Variants in ABTB3 observed in about 807,000 individuals in gnomAD.
ABTB3 encodes ankyrin repeat and BTB domain containing 3.
the ABTB3 span, among the ~76,000 whole-genome samples, chr12:107,342,724 C>G: frequency 2.5e-3 from 386 of 152,292 alleles, 1 homozygote; most frequent in African/African-American, 3.6e-3. Flanking sequence ...ATTCCTAATT[C>G]CAAGCTTCTG....
the ABTB3 span, among the ~76,000 whole-genome samples, chr12:107,474,563 C>T: frequency 6.6e-6 from 1 of 151,826 alleles, no homozygotes; most frequent in Non-Finnish European, 1.5e-5. Flanking sequence ...TGGGGCTGGA[C>T]CATGGATGCT....
At chr12:107,470,941 C>T in the ABTB3 span, among the ~76,000 whole-genome samples, 8 of 152,134 alleles carry the variant, frequency 5.3e-5, no homozygotes, top group Admixed American at 2.6e-4. Context: ...GAGATGTGGA[C>T]GTCTTATTCC....
the ABTB3 span, among the ~76,000 whole-genome samples, chr12:107,652,456 G>T: frequency 9.8e-5 from 15 of 152,296 alleles, no homozygotes; most frequent in African/African-American, 3.6e-4. Flanking sequence ...CTGGAAAAAG[G>T]CATCTTTCAA....
At chr12:107,333,182 G>A in the ABTB3 span, among the ~76,000 whole-genome samples, 2 of 152,166 alleles carry the variant, frequency 1.3e-5, no homozygotes, top group African/African-American at 4.8e-5. Context: ...AGGGGTTGGG[G>A]CAGCATATGA....
At chr12:107,611,988 A>C in the ABTB3 span, among the ~76,000 whole-genome samples, 1 of 147,550 alleles carries the variant, frequency 6.8e-6, no homozygotes, top group Admixed American at 6.6e-5. Flanking sequence ...GATTTCTTCC[A>C]TTCCTTTTAT....
the ABTB3 span, among the ~76,000 whole-genome samples, chr12:107,591,313 T>G: frequency 5.3e-5 from 8 of 152,170 alleles, no homozygotes; most frequent in Non-Finnish European, 1.5e-5. Flanking sequence ...GGGTAATTTA[T>G]GAAGAAAAGA....
At chr12:107,404,939 G>T in the ABTB3 span, among the ~76,000 whole-genome samples, 47 of 152,310 alleles carry the variant, frequency 3.1e-4, no homozygotes, top group African/African-American at 1.1e-3. Flanking sequence ...TGTCCATTTT[G>T]CAGATGAACA....
the ABTB3 span, among the ~76,000 whole-genome samples, chr12:107,592,573 C>A: frequency 3.7e-3 from 561 of 152,230 alleles, no homozygotes; most frequent in African/African-American, 0.013. Flanking sequence ...TGAACTAGAT[C>A]GACCTGTTAT....
the ABTB3 span, among the ~76,000 whole-genome samples, chr12:107,335,926 A>G: frequency 6.6e-6 from 1 of 152,152 alleles, no homozygotes; most frequent in Non-Finnish European, 1.5e-5. Context: ...TCAGGGTCCA[A>G]CAACTGGATG....
At chr12:107,610,153 G>T in the ABTB3 span, 1 of 1,613,096 alleles carries the variant, frequency 6.2e-7, no homozygotes, top group South Asian at 1.1e-5. Context: ...CCTCTGGGAA[G>T]CCGCTGTACC....
the ABTB3 span, among the ~76,000 whole-genome samples, chr12:107,370,535 T>TC: frequency 6.6e-6 from 1 of 152,242 alleles, no homozygotes; most frequent in East Asian, 1.9e-4. Flanking sequence ...TGGCTCCCCT[T>TC]CCTCTCTCAG....
At chr12:107,618,264 C>G in the ABTB3 span, 1 of 1,613,618 alleles carries the variant, frequency 6.2e-7, no homozygotes, top group Non-Finnish European at 8.5e-7. Flanking sequence ...GACAGCCCCG[C>G]CCCCCTTGTG....
At chr12:107,509,796 G>C in the ABTB3 span, among the ~76,000 whole-genome samples, 17 of 152,230 alleles carry the variant, frequency 1.1e-4, no homozygotes, top group African/African-American at 3.9e-4. Flanking sequence ...TTCCAGGCTA[G>C]TGTACAAACA....
At chr12:107,442,918 G>T in the ABTB3 span, among the ~76,000 whole-genome samples, 6 of 152,138 alleles carry the variant, frequency 3.9e-5, no homozygotes, top group Non-Finnish European at 5.9e-5. Flanking sequence ...CAGGATCAAG[G>T]CACCAGCAGA....
chr12:107,639,282 C>T, the ABTB3 span, among the ~76,000 whole-genome samples: 1 of 152,154 alleles, frequency 6.6e-6, no homozygotes, highest in Non-Finnish European at 1.5e-5. Flanking sequence ...CAAGTGGCCT[C>T]ATTAAGACGT....
the ABTB3 span, among the ~76,000 whole-genome samples, chr12:107,447,460 C>T: frequency 6.6e-6 from 1 of 152,126 alleles, no homozygotes; most frequent in Non-Finnish European, 1.5e-5. Flanking sequence ...TTTTAAACCT[C>T]CTGTCCCCCT....
At chr12:107,399,230 C>T in the ABTB3 span, among the ~76,000 whole-genome samples, 6 of 152,256 alleles carry the variant, frequency 3.9e-5, no homozygotes, top group South Asian at 6.2e-4. Flanking sequence ...AGGAATGCAG[C>T]GGTACCCACT....
At chr12:107,504,917 G>A in the ABTB3 span, among the ~76,000 whole-genome samples, 1 of 152,158 alleles carries the variant, frequency 6.6e-6, no homozygotes. Flanking sequence ...GTGCTCACTT[G>A]CTATTAACAC....
the ABTB3 span, among the ~76,000 whole-genome samples, chr12:107,340,305 C>T: frequency 6.6e-6 from 1 of 152,250 alleles, no homozygotes; most frequent in East Asian, 1.9e-4. Flanking sequence ...TAAAGAAACC[C>T]AGCTGAGACT....
Sources: gnomAD v4.1 joint callset for allele counts (sites outside exome capture counted in the v4.1 genomes callset) on GRCh38, gnomAD v4.1.1 for gene constraint, MANE v1.5 for transcripts, NCBI Gene and HGNC (gene_info 2026-07-23, HGNC 2026-07-21) for gene names.